SH3GL2: variants seen among roughly 807,000 people sequenced by gnomAD.
The protein encoded by SH3GL2 is SH3 domain containing GRB2 like 2, endophilin A1, also known as endophilin-A1.
Under a neutral mutation model 46.0 loss-of-function variants are expected in SH3GL2, and 24 were observed. The observed-to-expected ratio is 0.52, with a 90% CI of 0.38 to 0.73. The LOEUF is 0.73. Among genes scored for constraint, SH3GL2 ranks in the 30% least tolerant of loss-of-function variants. SH3GL2 has a pLI of 0.00. For synonymous variants in SH3GL2, 196 were observed against 147.1 expected, an observed-to-expected ratio of 1.33 and a Z score of -2.40; for missense variants, 413 against 424.2, an observed-to-expected ratio of 0.97 and a Z score of 0.23.
chr9:17,754,891 A>G (rs557482089), intron 2 of SH3GL2, among the ~76,000 whole-genome samples: 1 of 152,110 alleles, frequency 6.6e-6, no homozygotes. Flanking sequence ...TTTGGCTGAG[A>G]CTGTGGGGTT....
chr9:17,692,366 C>G (rs1821103735), intron 1 of SH3GL2, among the ~76,000 whole-genome samples: 1 of 151,656 alleles, frequency 6.6e-6, no homozygotes, highest in South Asian at 2.1e-4. Flanking sequence ...TTGGAGAAGC[C>G]AGGTGTGGTG....
chr9:17,616,796 T>A (rs919079617), intron 1 of SH3GL2, among the ~76,000 whole-genome samples: 10 of 152,224 alleles, frequency 6.6e-5, no homozygotes, highest in Non-Finnish European at 1.3e-4. Context: ...TATTGTCTGA[T>A]TTTTATACCA....
At chr9:17,623,733 CA>C (rs1819212263) in intron 1 of SH3GL2, among the ~76,000 whole-genome samples, 1 of 150,920 alleles carries the variant, frequency 6.6e-6, no homozygotes, top group Non-Finnish European at 1.5e-5. Context: ...CACACACACA[CA>C]CACCACCCAC....
intron 5 of SH3GL2, among the ~76,000 whole-genome samples, chr9:17,788,185 C>G (rs1279497450): frequency 6.6e-6 from 1 of 152,058 alleles, no homozygotes; most frequent in African/African-American, 2.4e-5. Flanking sequence ...GAACTAGGGC[C>G]TCCTCCTCCT....
intron 3 of SH3GL2, among the ~76,000 whole-genome samples, chr9:17,785,604 G>T (rs1334110469): frequency 6.6e-6 from 1 of 152,072 alleles, no homozygotes; most frequent in Admixed American, 6.6e-5. Context: ...AGGAACCTAG[G>T]TATCCTAGCA....
At chr9:17,628,214 T>C (rs1819329411) in intron 1 of SH3GL2, among the ~76,000 whole-genome samples, 1 of 152,198 alleles carries the variant, frequency 6.6e-6, no homozygotes, top group South Asian at 2.1e-4. Context: ...CGTTTAGCAT[T>C]GTTACTGGCA....
intron 1 of SH3GL2, among the ~76,000 whole-genome samples, chr9:17,716,960 T>C (rs1203814246): frequency 6.6e-6 from 1 of 152,118 alleles, no homozygotes; most frequent in East Asian, 1.9e-4. Context: ...GGTTGATTGG[T>C]TGGTTGGTTT....
chr9:17,693,088 T>C (rs1229668731), intron 1 of SH3GL2, among the ~76,000 whole-genome samples: 2 of 152,168 alleles, frequency 1.3e-5, no homozygotes, highest in African/African-American at 2.4e-5. Context: ...CAAATAGTGT[T>C]TTGGTTTTTT....
chr9:17,750,166 A>C (rs938917380), intron 2 of SH3GL2, among the ~76,000 whole-genome samples: 1 of 152,160 alleles, frequency 6.6e-6, no homozygotes, highest in Non-Finnish European at 1.5e-5. Context: ...TAGACTCTCA[A>C]ATCTTTTCTC....
At chr9:17,742,249 C>T (rs964964650) in intron 1 of SH3GL2, among the ~76,000 whole-genome samples, 2 of 152,094 alleles carry the variant, frequency 1.3e-5, no homozygotes, top group Admixed American at 1.3e-4. Flanking sequence ...GAATCAGAGC[C>T]ACCCCTAGAG....
At chr9:17,795,362 C>T (rs1824245505) in intron 8 of SH3GL2, among the ~76,000 whole-genome samples, 182 bp from the exon 9 acceptor site, 1 of 152,118 alleles carries the variant, frequency 6.6e-6, no homozygotes, top group Non-Finnish European at 1.5e-5. Flanking sequence ...TGGTAGAGGG[C>T]AAGATGCCCA....
At chr9:17,755,424 A>G (rs1822960363) in intron 2 of SH3GL2, among the ~76,000 whole-genome samples, 1 of 152,152 alleles carries the variant, frequency 6.6e-6, no homozygotes. Context: ...GTGTTCATCA[A>G]GGACCTTGGC....
At chr9:17,631,311 GC>G (rs1281593860) in intron 1 of SH3GL2, among the ~76,000 whole-genome samples, 1 of 152,158 alleles carries the variant, frequency 6.6e-6, no homozygotes, top group African/African-American at 2.4e-5. Context: ...TGCAGTTCTT[GC>G]TTTCATAGCA....
At chr9:17,680,197 T>A (rs200494507) in intron 1 of SH3GL2, among the ~76,000 whole-genome samples, 5 of 151,602 alleles carry the variant, frequency 3.3e-5, no homozygotes, top group African/African-American at 4.8e-5. Flanking sequence ...TAGTTTCAGA[T>A]GGAATGGTAC....
intron 1 of SH3GL2, among the ~76,000 whole-genome samples, chr9:17,592,803 CA>C (rs1301950839): frequency 6.6e-6 from 1 of 152,100 alleles, no homozygotes; most frequent in Non-Finnish European, 1.5e-5. Context: ...ACGAGATGAC[CA>C]GTGGCTGGGG....
chr9:17,752,738 C>G (rs1199298973), intron 2 of SH3GL2, among the ~76,000 whole-genome samples: 1 of 152,072 alleles, frequency 6.6e-6, no homozygotes, highest in Non-Finnish European at 1.5e-5. Context: ...TTCAGGGGTA[C>G]ACGTGCACGT....
chr9:17,645,624 T>G (rs1160639674), intron 1 of SH3GL2, among the ~76,000 whole-genome samples: 1 of 152,114 alleles, frequency 6.6e-6, no homozygotes, highest in Non-Finnish European at 1.5e-5. Flanking sequence ...TTCTCCTTCA[T>G]TTATGAAGTT....
rs1379874322 is a variant in SH3GL2, at chr9:17,738,509, TAC to T, written c.46-8555_46-8554del. The stretch of plus-strand genomic sequence containing the variant: ...ACACACACACATATACATACATATA[TAC>T]ATATGTGTGTGTATATACATACATA... On this transcript the variant is annotated intron_variant, in intron 1 of 8. Transcript: ENST00000380607. Among the ~76,000 whole-genome samples the T allele has an allele frequency of 8.6e-3, 1,208 of 140,032 alleles. 14 individuals carry two copies. Among genetic ancestry groups the T allele is most frequent in the Middle Eastern group, 0.026 (7 of 268 alleles). The allele number at this position is 140,032 out of a possible 152,430, so 91.9% of individuals were successfully genotyped here. A position where few individuals can be genotyped will look rare whatever the true frequency, so the allele number is the denominator to read the frequency against.
chr9:17,683,467 T>C (rs886840959), intron 1 of SH3GL2, among the ~76,000 whole-genome samples: 52 of 151,944 alleles, frequency 3.4e-4, no homozygotes, highest in African/African-American at 1.1e-3. Context: ...CTATTTCAGC[T>C]AGGGGAAAGG....
Sources: allele counts gnomAD v4.1 joint callset (sites outside exome capture counted in the v4.1 genomes callset), GRCh38; gene constraint gnomAD v4.1.1; transcripts MANE v1.5; gene names NCBI Gene and HGNC (gene_info 2026-07-23, HGNC 2026-07-21).